RGS8: variants seen among roughly 807,000 people sequenced by gnomAD.
RGS8 encodes the protein regulator of G-protein signaling 8.
Under a neutral mutation model 21.7 loss-of-function variants are expected in RGS8, and 8 were observed. The observed-to-expected ratio is 0.37, with a 90% confidence interval of 0.22 to 0.66. The LOEUF is 0.66. Among genes scored for constraint, RGS8 ranks in the 30% least tolerant of loss-of-function variants. The probability of loss-of-function intolerance (pLI) is 0.59; values close to 1 mark genes in which losing one functional copy is unlikely to be tolerated. For synonymous variants in RGS8, 80 were observed against 83.6 expected, an observed-to-expected ratio of 0.96 and a Z score of 0.24; for missense variants, 157 against 217.9, an observed-to-expected ratio of 0.72 and a Z score of 1.76.
chr1:182,642,189 TGA>T (rs1662496063), downstream of RGS8: 1 of 152,264 alleles, frequency 6.6e-6, no homozygotes, highest in South Asian at 2.1e-4. Flanking sequence ...TGTGGAGTCC[TGA>T]GAGGCCACGG....
the RGS8 span, among the ~76,000 whole-genome samples, chr1:182,695,119 CAAT>C: frequency 6.6e-5 from 10 of 151,924 alleles, no homozygotes; most frequent in Non-Finnish European, 1.2e-4. Flanking sequence ...ATACGTGAAA[CAAT>C]AACTGAGAAT....
chr1:182,750,894 C>T, the RGS8 span, among the ~76,000 whole-genome samples: 1 of 152,094 alleles, frequency 6.6e-6, no homozygotes, highest in Admixed American at 6.6e-5. Flanking sequence ...GAATGTAATA[C>T]TCACTTTATA....
the RGS8 span, among the ~76,000 whole-genome samples, chr1:182,700,241 G>C: frequency 1.3e-5 from 2 of 152,172 alleles, no homozygotes; most frequent in Admixed American, 1.3e-4. Context: ...TACTCTCAAA[G>C]GCTTTTATGA....
upstream of RGS8, chr1:182,671,999 G>A (rs936695559): frequency 1.1e-5 from 12 of 1,116,254 alleles, no homozygotes; most frequent in Admixed American, 3.4e-5. Context: ...TTGGCAGGAT[G>A]CAGAAGGTGC....
At chr1:182,730,069 C>T in the RGS8 span, among the ~76,000 whole-genome samples, 1 of 152,106 alleles carries the variant, frequency 6.6e-6, no homozygotes, top group Admixed American at 6.5e-5. Flanking sequence ...AAGCAAAGGG[C>T]CTTAGAGGTA....
rs200985905 is a variant in RGS8, at chr1:182,666,838, T to C, written c.128+34A>G. On this transcript the variant is annotated intron_variant, in intron 4 of 6. Coordinates refer to ENST00000483095, the Ensembl canonical transcript of RGS8. ...AAGTGAGCTATATGACTTGCTGTATTACCCAGGGAATGGCACGTGGCCGTA... is the reference window on the plus strand; with the variant it reads ...AAGTGAGCTATATGACTTGCTGTATCACCCAGGGAATGGCACGTGGCCGTA... 34 of 1,505,108 alleles carry C rather than the reference T, an allele frequency of 2.3e-5. No individual in the cohort carries two copies. In the East Asian group the frequency reaches 7.7e-4, roughly 34 times the overall value. The allele number at this position is 1,505,108 out of a possible 1,614,324, so 93.2% of individuals were successfully genotyped here. A position where few individuals can be genotyped will look rare whatever the true frequency, so the allele number is the denominator to read the frequency against.
At chr1:182,656,446 C>A (rs952355292) in intron 5 of RGS8, among the ~76,000 whole-genome samples, 1 of 152,168 alleles carries the variant, frequency 6.6e-6, no homozygotes, top group Non-Finnish European at 1.5e-5. Context: ...TTGGAACCTG[C>A]CTAAAGTCTC....
At chr1:182,717,590 G>C in the RGS8 span, among the ~76,000 whole-genome samples, 1 of 152,152 alleles carries the variant, frequency 6.6e-6, no homozygotes, top group Non-Finnish European at 1.5e-5. Context: ...TCTCAGCAAG[G>C]CCTGCCCTAG....
At chr1:182,734,997 A>G in the RGS8 span, among the ~76,000 whole-genome samples, 21 of 152,256 alleles carry the variant, frequency 1.4e-4, no homozygotes, top group African/African-American at 4.1e-4. Context: ...ACATACAACC[A>G]GTACTTGAAA....
At chr1:182,675,247 C>T (rs1292982550), upstream of RGS8, among the ~76,000 whole-genome samples, 1 of 152,204 alleles carries the variant, frequency 6.6e-6, no homozygotes, top group East Asian at 1.9e-4. Context: ...ACATTTCTGG[C>T]TTCTTTTTCT....
At chr1:182,682,515 T>C (rs1215997526) in intron 1 of RGS8, among the ~76,000 whole-genome samples, 1 of 152,174 alleles carries the variant, frequency 6.6e-6, no homozygotes, top group Non-Finnish European at 1.5e-5. Context: ...AACAGCATCA[T>C]GTGGGCAAGT....
chr1:182,729,754 C>T, the RGS8 span, among the ~76,000 whole-genome samples: 1 of 152,088 alleles, frequency 6.6e-6, no homozygotes, highest in African/African-American at 2.4e-5. Context: ...TCTACAAGAA[C>T]ACATATTGAC....
At chr1:182,705,736 T>C in the RGS8 span, among the ~76,000 whole-genome samples, 1 of 152,168 alleles carries the variant, frequency 6.6e-6, no homozygotes, top group African/African-American at 2.4e-5. Flanking sequence ...CAAGACAGTA[T>C]ATAGAGAGTT....
the RGS8 span, among the ~76,000 whole-genome samples, chr1:182,734,027 TCTC>T: frequency 6.6e-6 from 1 of 152,102 alleles, no homozygotes; most frequent in South Asian, 2.1e-4. Context: ...GTCAAGCAAT[TCTC>T]CTGCCTCAGC....
At chr1:182,712,026 T>A in the RGS8 span, among the ~76,000 whole-genome samples, 2 of 152,184 alleles carry the variant, frequency 1.3e-5, no homozygotes, top group East Asian at 3.8e-4. Flanking sequence ...AGGAACCCTA[T>A]AAGTAACTTA....
At chr1:182,747,319 A>C in the RGS8 span, among the ~76,000 whole-genome samples, 1 of 152,012 alleles carries the variant, frequency 6.6e-6, no homozygotes, top group Non-Finnish European at 1.5e-5. Context: ...AGCTTCTTTT[A>C]TCCATTTAAT....
intron 5 of RGS8, among the ~76,000 whole-genome samples, chr1:182,650,923 T>C (rs557649483): frequency 7.0e-4 from 107 of 152,188 alleles, no homozygotes; most frequent in African/African-American, 2.4e-3. Context: ...CCACAAAGCA[T>C]AGAGAAAGTA....
chr1:182,721,766 T>C, the RGS8 span, among the ~76,000 whole-genome samples: 1 of 152,192 alleles, frequency 6.6e-6, no homozygotes, highest in African/African-American at 2.4e-5. Context: ...AGAGTTCATA[T>C]CATGACATGA....
the RGS8 span, among the ~76,000 whole-genome samples, chr1:182,740,573 T>TTTTTTTTTTTTTTTGTTTTTTTTTA: frequency 1.1e-5 from 1 of 87,324 alleles, no homozygotes; most frequent in African/African-American, 5.2e-5. Context: ...TTTTTTTTTT[T>TTTTTTTTTTTTTTTGTTTTTTTTTA]ATTGATCATT....
Sources: allele counts gnomAD v4.1 joint callset (sites outside exome capture counted in the v4.1 genomes callset), GRCh38; gene constraint gnomAD v4.1.1; transcripts MANE v1.5; gene names NCBI Gene and HGNC (gene_info 2026-07-23, HGNC 2026-07-21).